NTN3: variants seen among roughly 807,000 people sequenced by gnomAD.
NTN3 encodes netrin 3, also known as netrin-3.
In NTN3, 44 loss-of-function variants were observed where a neutral mutation model predicts 37.2. The observed-to-expected ratio is 1.18, with a 90% CI of 0.93 to 1.52. NTN3 has a LOEUF of 1.52. NTN3 is among the 40% of genes most tolerant of loss of function. The pLI is 0.00. For missense variants in NTN3, 882 were observed against 857.3 expected (o/e 1.03, Z -0.36); for synonymous variants, 385 against 376.0 (o/e 1.02, Z -0.28).
Position 2,473,594 on chromosome 16 carries a change from C to T in NTN3, c.1393+91C>T. On this transcript the variant is annotated intron_variant, in intron 5 of 5. Coordinates refer to ENST00000293973, the MANE Select transcript of NTN3 (RefSeq NM_006181.3). ...CCAGCTTCCCCTTGGAACGCCTTGA[C>T]CCTTGCTGGGCCCCAAGGCCCATCC... is the stretch of plus-strand genomic sequence containing the variant. The T allele has an allele frequency of 2.1e-6, 3 of 1,413,402 alleles. No individual in the cohort carries two copies. In the South Asian group the frequency reaches 3.6e-5, roughly 17 times the overall value. 87.6% of individuals were successfully genotyped at this position (1,413,402 alleles called of 1,614,324 possible). A position where few individuals can be genotyped will look rare whatever the true frequency, so the allele number is the denominator to read the frequency against.
At position 2,473,258 on chromosome 16, in the gene NTN3, C is replaced by G. The variant is rs1318667553; in HGVS notation, c.1268-10C>G. On this transcript the variant is annotated splice_polypyrimidine_tract_variant and intron_variant, in intron 3 of 5. Transcript: ENST00000293973. ...CTCCATCGCAGGCCATTCTCCCTCC[C>G]TCTCTGCAGAGACCCCTATCCCTGG... 8.7e-6 allele frequency: 14 copies of G among 1,612,550 alleles called. No individual in the cohort carries two copies. Among genetic ancestry groups the G allele is most frequent in the Non-Finnish European group, 8.5e-7 (1 of 1,179,846 alleles).
At chr16:2,473,660 C>G in intron 5 of NTN3, 96 bp from the exon 6 acceptor site, 1 of 1,276,454 alleles carries the variant, frequency 7.8e-7, no homozygotes, top group South Asian at 1.5e-5. Context: ...CCCGCCCCTT[C>G]AGCCCCCACT....
intron 4 of NTN3, 55 bp from the exon 5 acceptor site, chr16:2,473,374 T>G: frequency 6.2e-7 from 1 of 1,612,498 alleles, no homozygotes; most frequent in South Asian, 1.1e-5. Flanking sequence ...GAGGGGGCTC[T>G]GGGAGGAGAG....
In NTN3 at chr16:2,471,734, G is replaced by A. The variant is rs938791816; in HGVS notation, c.33G>A (p.Thr11=). 17 of 1,380,830 alleles carry A rather than the reference G, an allele frequency of 1.2e-5. No individual in the cohort carries two copies. In the South Asian group the frequency reaches 2.3e-4, roughly 19 times the overall value. The allele number at this position is 1,380,830 out of a possible 1,614,324, so 85.5% of individuals were successfully genotyped here. A position where few individuals can be genotyped will look rare whatever the true frequency, so the allele number is the denominator to read the frequency against. ...GCTGGCCCTGGGGGCTGCTGCTGAC[G>A]GCAGGCACGCTCTTCGCCGCCCTGA... The part of the protein sequence containing the change: MPGWPWGLLL[T]AGTLFAALSP... The change falls in exon 1 of 6, where the codon ACG becomes ACA. Residue 11 remains threonine (T), a synonymous_variant. Coordinates refer to ENST00000293973, the MANE Select transcript of NTN3 (RefSeq NM_006181.3).
rs773669295 is a variant in NTN3 at position 2,472,968 on chromosome 16, C to T, written c.1118-17C>T. ...CAGACAGGCTTCTGACCAGGCCCTT[C>T]CCACCTCTGTCCTCAGCCTGCGACT... On this transcript the variant is annotated splice_polypyrimidine_tract_variant and intron_variant, in intron 2 of 5. Transcript: ENST00000293973. 1.9e-6 allele frequency: 3 copies of T among 1,590,224 alleles called. No homozygotes were observed. Among genetic ancestry groups the T allele is most frequent in the Admixed American group, 1.7e-5 (1 of 59,042 alleles).
rs576492118 is a variant in NTN3 at position 2,472,163 on chromosome 16, T to A, written c.462T>A (p.Cys154Ter). The A allele has an allele frequency of 1.2e-6, 2 of 1,608,558 alleles. No homozygotes were observed. Among genetic ancestry groups the A allele is most frequent in the African/African-American group, 2.7e-5 (2 of 75,050 alleles). Residue 154 changes from cysteine (C) to a stop codon, truncating the protein, a stop_gained, in exon 1 of 6, where the codon TGT (cysteine) becomes TGA (stop). Coordinates refer to ENST00000293973, the MANE Select transcript of NTN3 (RefSeq NM_006181.3). LOFTEE classifies it high-confidence loss of function. ...WAPLGFFSSH[C>*]DLDYGRLPAP... The stretch of plus-strand genomic sequence containing the variant: ...CGCTGGGCTTCTTCTCCTCCCACTG[T>A]GACCTGGACTATGGCCGTCTGCCTG...
In NTN3 at chr16:2,471,697, C is replaced by G; in HGVS notation, c.-5C>G. On this transcript the variant is annotated 5_prime_UTR_variant, in exon 1 of 6. Transcript: ENST00000293973. Reference sequence around the variant, plus strand: ...GCCACTGGCTGACCCGCAGCGGCTCCGGCCATGCCTGGCTGGCCCTGGGGG... The same window carrying G: ...GCCACTGGCTGACCCGCAGCGGCTCGGGCCATGCCTGGCTGGCCCTGGGGG... 7.5e-7 allele frequency: 1 copy of G among 1,327,536 alleles called. No individual in the cohort carries two copies. The highest frequency in any genetic ancestry group is 1.5e-5 in the African/African-American group (1 of 64,838). 82.2% of individuals were successfully genotyped at this position (1,327,536 alleles called of 1,614,324 possible).
Position 2,471,816 on chromosome 16 carries a change from G to A in NTN3, c.115G>A (p.Gly39Ser). Residue 39 changes from glycine to serine, a missense_variant, in exon 1 of 6, where the codon GGC becomes AGC. By Grantham distance (56) the Gly-to-Ser change is moderately conservative. Transcript: ENST00000293973. ...PCHDEGGAPR[G>S]CVPGLVNAAL... is the part of the protein sequence containing the mutation. ...CCACGATGAGGGGGGTGCGCCCCGC[G>A]GCTGCGTGCCAGGACTGGTGAACGC... 2 of 1,391,570 alleles carry A rather than the reference G, an allele frequency of 1.4e-6. No individual in the cohort carries two copies. The highest frequency in any genetic ancestry group is 1.8e-6 in the Non-Finnish European group (2 of 1,081,670). 86.2% of individuals were successfully genotyped at this position (1,391,570 alleles called of 1,614,324 possible). A position where few individuals can be genotyped will look rare whatever the true frequency, so the allele number is the denominator to read the frequency against.
At chr16:2,473,643 C>A in intron 5 of NTN3, 113 bp from the exon 6 acceptor site, 2 of 1,249,998 alleles carry the variant, frequency 1.6e-6, no homozygotes, top group Non-Finnish European at 2.2e-6. Context: ...CCTCCACGGG[C>A]AGCGACCCCG....
Position 2,473,815 on chromosome 16 carries a change from G to A in NTN3, c.1453G>A (p.Val485Met). ...EARGAWTRFP[V>M]AVLAVFRSGE... is the part of the protein sequence containing the mutation. ...GCGCGGCGCGTGGACACGCTTCCCG[G>A]TGGCGGTGCTCGCCGTGTTCCGGAG... Residue 485 changes from valine to methionine, a missense_variant, in exon 6 of 6, where the codon GTG becomes ATG. By Grantham distance (21) the Val-to-Met change is conservative (BLOSUM62 1). Transcript: ENST00000293973. The A allele has an allele frequency of 5.0e-6, 7 of 1,391,100 alleles. No homozygotes were observed. Among genetic ancestry groups the A allele is most frequent in the Non-Finnish European group, 6.5e-6 (7 of 1,082,970 alleles). 86.2% of individuals were successfully genotyped at this position (1,391,100 alleles called of 1,614,324 possible).
chr16:2,473,679 G>A, intron 5 of NTN3, 77 bp from the exon 6 acceptor site: 1 of 1,329,620 alleles, frequency 7.5e-7, no homozygotes, highest in Non-Finnish European at 1.0e-6. Context: ...CTGCCCTCCT[G>A]GTGTCCTCCC....
chr16:2,471,944 T>G lies in NTN3; in HGVS notation c.243T>G (p.Leu81=). 1 of 1,554,650 alleles carries G rather than the reference T, an allele frequency of 6.4e-7. No individual in the cohort carries two copies. Among genetic ancestry groups the G allele is most frequent in the Non-Finnish European group, 8.6e-7 (1 of 1,156,532 alleles). Residue 81 remains leucine (L), a synonymous_variant, in exon 1 of 6, where the codon CTT becomes CTG. Transcript: ENST00000293973. The stretch of plus-strand genomic sequence containing the variant: ...GACGGGCACACTCCCCCGCCCTCCT[T>G]ACTTCCCCAGGGGGCACGGCCAGCC... The part of the protein sequence containing the change: ...DPRRAHSPAL[L]TSPGGTASPL...
chr16:2,472,756 A>T lies in NTN3; in HGVS notation c.984A>T (p.Arg328=). 6.2e-7 allele frequency: 1 copy of T among 1,608,652 alleles called. No homozygotes were observed. The change falls in exon 2 of 6, where the codon CGA becomes CGT. Residue 328 remains arginine, a synonymous_variant. Coordinates refer to ENST00000293973, the MANE Select transcript of NTN3 (RefSeq NM_006181.3). ...RRCRFNMELY[R]LSGRRSGGVC... Reference sequence around the variant, plus strand: ...GCCGCTTCAACATGGAGCTGTACCGACTGTCCGGCCGCCGCAGCGGGGGTG... The same window carrying T: ...GCCGCTTCAACATGGAGCTGTACCGTCTGTCCGGCCGCCGCAGCGGGGGTG...
At chr16:2,472,664 C>T (rs2065528922) in intron 1 of NTN3, 35 bp downstream of exon 1, 1 of 1,603,844 alleles carries the variant, frequency 6.2e-7, no homozygotes, top group South Asian at 1.1e-5. Flanking sequence ...GGACCTTGGA[C>T]ACAACCAGCC....
chr16:2,471,656 A>AGC lies in NTN3; in HGVS notation c.-44_-43dup, dbSNP rs2065521246. 10 of 1,250,076 alleles carry AGC rather than the reference A, an allele frequency of 8.0e-6. No individual in the cohort carries two copies. The highest frequency in any genetic ancestry group is 4.2e-5 in the Admixed American group (1 of 23,694). 77.4% of individuals were successfully genotyped at this position (1,250,076 alleles called of 1,614,324 possible). ...GAGAGGGCTTCTTTTCCCCAAGGGCAGCGTCTTGGGGCCCGGCCACTGGCT... is the reference window on the plus strand; with the variant it reads ...GAGAGGGCTTCTTTTCCCCAAGGGCAGCGCGTCTTGGGGCCCGGCCACTGGCT... On this transcript the variant is annotated 5_prime_UTR_variant, in exon 1 of 6. Transcript: ENST00000293973.
At chr16:2,473,369 G>A (rs2065534493) in intron 4 of NTN3, 51 bp downstream of exon 4, 1 of 1,612,546 alleles carries the variant, frequency 6.2e-7, no homozygotes, top group Non-Finnish European at 8.5e-7. Context: ...TGGGGGAGGG[G>A]GCTCTGGGAG....
At position 2,473,753 on chromosome 16, in the gene NTN3, C is replaced by CAGCGGTGCAGGT. The variant is rs1443950770; in HGVS notation, c.1394-2_1403dup. On this transcript the variant is annotated splice_region_variant and splice_polypyrimidine_tract_variant and intron_variant, in intron 5 of 5. Transcript: ENST00000293973. The stretch of plus-strand genomic sequence containing the variant: ...ACCCCGCCCCCTCTCGCTCTCCCCG[C>CAGCGGTGCAGGT]AGCGGTGCAGGTGGCGGTGGGTGCG... The CAGCGGTGCAGGT allele has an allele frequency of 7.0e-7, 1 of 1,420,104 alleles. No homozygotes were observed. Among genetic ancestry groups the CAGCGGTGCAGGT allele is most frequent in the African/African-American group, 1.5e-5 (1 of 67,358 alleles). The allele number at this position is 1,420,104 out of a possible 1,614,324, so 88.0% of individuals were successfully genotyped here.
intron 4 of NTN3, 24 bp from the exon 5 acceptor site, chr16:2,473,405 G>A: frequency 6.2e-7 from 1 of 1,611,210 alleles, no homozygotes; most frequent in South Asian, 1.1e-5. Context: ...GGGAGTCTGT[G>A]CCAGCCTCCC....
In NTN3 at chr16:2,473,473, A is replaced by G; in HGVS notation, c.1363A>G (p.Ser455Gly). The change falls in exon 5 of 6, where the codon AGC (serine) becomes GGC (glycine). Residue 455 changes from serine to glycine, a missense_variant. By Grantham distance (56) the Ser-to-Gly change is moderately conservative. Transcript: ENST00000293973. ...CKPARGSYRI[S>G]LKKFCKKDYA... is the part of the protein sequence containing the mutation. The stretch of plus-strand genomic sequence containing the variant: ...ACCTGCCCGTGGCAGCTACCGCATC[A>G]GCCTAAAGAAGTTCTGCAAGAAGGA... 6.2e-7 allele frequency: 1 copy of G among 1,613,042 alleles called. No individual in the cohort carries two copies. Among genetic ancestry groups the G allele is most frequent in the Non-Finnish European group, 8.5e-7 (1 of 1,179,964 alleles).
Sources: gnomAD v4.1 joint callset for allele counts on GRCh38, gnomAD v4.1.1 for gene constraint, MANE v1.5 for transcripts, NCBI Gene and HGNC (gene_info 2026-07-23, HGNC 2026-07-21) for gene names.